Variants in C12orf42 observed in about 807,000 individuals in gnomAD.
C12orf42 encodes chromosome 12 open reading frame 42, also known as uncharacterized protein C12orf42.
Under a neutral mutation model 21.6 loss-of-function variants are expected in C12orf42, and 25 were observed. The ratio of observed to expected loss-of-function variants is 1.16; its 90% confidence interval spans 0.84 to 1.62. The LOEUF is 1.62. Ranked by LOEUF, C12orf42 falls within the 40% of genes most tolerant of loss-of-function variation. The pLI is 0.00. For missense variants in C12orf42, 483 were observed against 459.3 expected (o/e 1.05, Z -0.47); for synonymous variants, 174 against 175.0 (o/e 0.99, Z 0.05).
chr12:103,487,803 G>T (rs533593642), intron 1 of C12orf42, among the ~76,000 whole-genome samples: 96 of 151,944 alleles, frequency 6.3e-4, no homozygotes, highest in African/African-American at 2.2e-3. Context: ...CTTTCCATTT[G>T]CTTGGTAGAT....
downstream of C12orf42, chr12:103,268,007 C>CA (rs555240095): frequency 3.2e-4 from 48 of 152,020 alleles, no homozygotes; most frequent in Middle Eastern, 3.4e-3. Flanking sequence ...AAACATATAA[C>CA]AAAAAAGAAA....
intron 4 of C12orf42, among the ~76,000 whole-genome samples, chr12:103,334,398 T>A (rs752001229): frequency 2.0e-5 from 3 of 152,146 alleles, no homozygotes; most frequent in Admixed American, 6.5e-5. Context: ...CTACTGACAA[T>A]GAGTAAGTGT....
the C12orf42 span, among the ~76,000 whole-genome samples, chr12:103,154,766 A>T: frequency 1.3e-5 from 2 of 152,206 alleles, no homozygotes; most frequent in Admixed American, 1.3e-4. Flanking sequence ...ATAAGACAGA[A>T]ACATTATGCT....
intron 4 of C12orf42, among the ~76,000 whole-genome samples, chr12:103,334,579 A>G (rs889295047): frequency 2.0e-5 from 3 of 152,146 alleles, no homozygotes; most frequent in African/African-American, 7.2e-5. Flanking sequence ...TTCACATACC[A>G]TGTGACTCCA....
chr12:103,452,955 A>C (rs1276250343), intron 2 of C12orf42, among the ~76,000 whole-genome samples: 2 of 152,006 alleles, frequency 1.3e-5, no homozygotes, highest in Non-Finnish European at 2.9e-5. Flanking sequence ...CAGCACACCA[A>C]CATGGCACAT....
chr12:103,163,623 C>T, the C12orf42 span, among the ~76,000 whole-genome samples: 1 of 152,134 alleles, frequency 6.6e-6, no homozygotes, highest in East Asian at 1.9e-4. Context: ...GCAGAGAGGA[C>T]CTTCTATGTT....
intron 3 of C12orf42, among the ~76,000 whole-genome samples, chr12:103,370,047 A>C (rs1437705737): frequency 6.6e-6 from 1 of 152,152 alleles, no homozygotes; most frequent in African/African-American, 2.4e-5. Context: ...AAAACAAACA[A>C]CACCATTACA....
At chr12:103,393,993 C>T (rs548048598) in intron 3 of C12orf42, among the ~76,000 whole-genome samples, 4 of 152,154 alleles carry the variant, frequency 2.6e-5, no homozygotes, top group Non-Finnish European at 2.9e-5. Flanking sequence ...TATTGACTTG[C>T]GAGCTATCAT....
At chr12:103,388,940 G>T (rs915340387) in intron 3 of C12orf42, among the ~76,000 whole-genome samples, 4 of 152,194 alleles carry the variant, frequency 2.6e-5, no homozygotes, top group Non-Finnish European at 5.9e-5. Flanking sequence ...GGTGGCCCAG[G>T]CTCCACATAA....
the C12orf42 span, among the ~76,000 whole-genome samples, chr12:103,527,603 C>T: frequency 6.6e-6 from 1 of 152,186 alleles, no homozygotes; most frequent in African/African-American, 2.4e-5. Flanking sequence ...CCTGTTCCTT[C>T]CTTCCTGATA....
the C12orf42 span, among the ~76,000 whole-genome samples, chr12:103,118,864 T>C: frequency 2.0e-5 from 3 of 152,034 alleles, no homozygotes; most frequent in Non-Finnish European, 4.4e-5. Context: ...GAAATTAAAG[T>C]TTTTAATACT....
At chr12:103,224,403 T>C in the C12orf42 span, among the ~76,000 whole-genome samples, 182 of 152,312 alleles carry the variant, frequency 1.2e-3, no homozygotes, top group Non-Finnish European at 2.2e-3. Flanking sequence ...TTTGCTGGTG[T>C]GTGGCGATTA....
chr12:103,351,528 T>C (rs944823962), intron 4 of C12orf42, among the ~76,000 whole-genome samples: 3 of 152,148 alleles, frequency 2.0e-5, no homozygotes, highest in Non-Finnish European at 2.9e-5. Context: ...TCCTTCACCA[T>C]TGATTTGCAC....
chr12:103,253,644 G>A (rs187449260), intron 10 of C12orf42, among the ~76,000 whole-genome samples: 1 of 152,090 alleles, frequency 6.6e-6, no homozygotes, highest in African/African-American at 2.4e-5. Flanking sequence ...TGCGATTTTT[G>A]CACATTGATT....
the C12orf42 span, among the ~76,000 whole-genome samples, chr12:103,204,810 TGAA>T: frequency 2.1e-4 from 32 of 151,982 alleles, no homozygotes; most frequent in Non-Finnish European, 3.2e-4. Context: ...TTTTGGGACA[TGAA>T]GAAGAAGATG....
At chr12:103,546,774 C>G in the C12orf42 span, among the ~76,000 whole-genome samples, 1 of 152,116 alleles carries the variant, frequency 6.6e-6, no homozygotes, top group African/African-American at 2.4e-5. Context: ...ATTTGAGAAA[C>G]AGCAGGTGAA....
the C12orf42 span, among the ~76,000 whole-genome samples, chr12:103,055,555 A>T: frequency 6.6e-6 from 1 of 151,534 alleles, no homozygotes; most frequent in Admixed American, 6.6e-5. Context: ...TACCTAATTG[A>T]TTTCTGCAAT....
At chr12:103,487,924 G>A (rs1193350022) in intron 1 of C12orf42, among the ~76,000 whole-genome samples, 1 of 152,158 alleles carries the variant, frequency 6.6e-6, no homozygotes, top group Non-Finnish European at 1.5e-5. Flanking sequence ...GCCAGTCTGT[G>A]TCTTTTAATT....
At chr12:103,192,173 A>T in the C12orf42 span, among the ~76,000 whole-genome samples, 10 of 152,276 alleles carry the variant, frequency 6.6e-5, no homozygotes, top group South Asian at 2.1e-4. Context: ...GATTGGATTT[A>T]AAAAAAGATC....
Sources: gnomAD v4.1 joint callset for allele counts (sites outside exome capture counted in the v4.1 genomes callset) on GRCh38, gnomAD v4.1.1 for gene constraint, MANE v1.5 for transcripts, NCBI Gene and HGNC (gene_info 2026-07-23, HGNC 2026-07-21) for gene names.